Variants in GFOD1 observed in about 807,000 individuals in gnomAD.
The protein encoded by GFOD1 is Gfo/Idh/MocA-like oxidoreductase domain containing 1, also known as glucose-fructose oxidoreductase domain-containing protein 1.
A neutral mutation model predicts 25.4 loss-of-function variants in GFOD1; 9 were observed. The observed-to-expected ratio is 0.35, with a 90% CI of 0.21 to 0.62. The LOEUF (loss-of-function observed/expected upper bound fraction) is 0.62. Ranked by LOEUF, GFOD1 falls within the 20% of genes least tolerant of loss-of-function variation. The pLI, the probability that GFOD1 is intolerant of heterozygous loss-of-function variation, is 0.72. For missense variants in GFOD1, 403 were observed against 556.9 expected (o/e 0.72, Z 2.78); for synonymous variants, 253 against 245.6 (o/e 1.03, Z -0.28).
chr6:13,486,938 A>G lies in GFOD1; in HGVS notation c.-48T>C. On this transcript the variant is annotated 5_prime_UTR_variant, in exon 1 of 2. Coordinates refer to ENST00000379287, the MANE Select transcript of GFOD1 (RefSeq NM_018988.4). ...CTGCTTCTGCTCGGATCTCCAGTCC[A>G]ACGCGCGCACACACCCACCTCTAGC... The G allele has an allele frequency of 6.3e-7, 1 of 1,582,854 alleles. No homozygotes were observed. Among genetic ancestry groups the G allele is most frequent in the African/African-American group, 1.3e-5 (1 of 74,802 alleles).
intron 1 of GFOD1, among the ~76,000 whole-genome samples, chr6:13,475,554 A>AC (rs1758602075): frequency 2.0e-5 from 2 of 99,526 alleles, no homozygotes; most frequent in East Asian, 5.0e-4. Flanking sequence ...CTAAAAATAC[A>AC]AAAAAAAAAA....
At chr6:13,421,896 C>T (rs1275437258) in intron 1 of GFOD1, among the ~76,000 whole-genome samples, 1 of 152,168 alleles carries the variant, frequency 6.6e-6, no homozygotes, top group Non-Finnish European at 1.5e-5. Context: ...ACAGGCACAA[C>T]AATCTGTGAT....
chr6:13,476,228 G>A (rs1017537289), intron 1 of GFOD1, among the ~76,000 whole-genome samples: 5 of 152,048 alleles, frequency 3.3e-5, no homozygotes, highest in East Asian at 1.9e-4. Flanking sequence ...AACAAAATGC[G>A]GTATATCCAC....
At chr6:13,419,767 C>T (rs1786222717) in intron 1 of GFOD1, among the ~76,000 whole-genome samples, 1 of 152,226 alleles carries the variant, frequency 6.6e-6, no homozygotes, top group South Asian at 2.1e-4. Flanking sequence ...CCCCTTCGCA[C>T]TCACTGTTGC....
intron 1 of GFOD1, among the ~76,000 whole-genome samples, chr6:13,412,222 C>T (rs1052472450): frequency 6.6e-5 from 10 of 152,246 alleles, no homozygotes; most frequent in Middle Eastern, 6.8e-3. Context: ...GAGACACGTT[C>T]TTTATGGAGG....
intron 1 of GFOD1, among the ~76,000 whole-genome samples, chr6:13,389,790 C>T (rs1295850412): frequency 6.6e-6 from 1 of 152,090 alleles, no homozygotes; most frequent in Non-Finnish European, 1.5e-5. Context: ...CGCCCCTTTC[C>T]AAACTACCAT....
intron 1 of GFOD1, among the ~76,000 whole-genome samples, chr6:13,471,424 G>A (rs11755883): frequency 3.4e-3 from 512 of 152,268 alleles, no homozygotes; most frequent in Non-Finnish European, 5.3e-3. Context: ...ACCCAGGTCC[G>A]TGCCATCTGC....
chr6:13,409,112 A>AGAAG (rs1786002537), intron 1 of GFOD1, among the ~76,000 whole-genome samples: 1 of 73,822 alleles, frequency 1.4e-5, no homozygotes. Context: ...AAAGAAAGAA[A>AGAAG]GAAAGAAAGA....
At chr6:13,419,243 G>A (rs1786213744) in intron 1 of GFOD1, among the ~76,000 whole-genome samples, 2 of 152,190 alleles carry the variant, frequency 1.3e-5, no homozygotes, top group African/African-American at 4.8e-5. Flanking sequence ...AACTATGACT[G>A]AGATCTGGAG....
chr6:13,389,390 T>C (rs187978722), intron 1 of GFOD1, among the ~76,000 whole-genome samples: 1 of 152,274 alleles, frequency 6.6e-6, no homozygotes, highest in Non-Finnish European at 1.5e-5. Context: ...TAGACTGGAT[T>C]AAGAAATTGT....
chr6:13,360,509 C>T lies in GFOD1; in HGVS notation c.*4234G>A. ...ATTTTCCTACGTTATATTCAGACCCCCAAGAGCAAATTCCAAGGCCATCTA... is the reference window on the plus strand; with the variant it reads ...ATTTTCCTACGTTATATTCAGACCCTCAAGAGCAAATTCCAAGGCCATCTA... On this transcript the variant is annotated 3_prime_UTR_variant, in exon 2 of 2. Coordinates refer to ENST00000379287, the MANE Select transcript of GFOD1 (RefSeq NM_018988.4). 1 of 356,574 alleles carries T rather than the reference C, an allele frequency of 2.8e-6. No homozygotes were observed. Among genetic ancestry groups the T allele is most frequent in the South Asian group, 2.1e-5 (1 of 48,170 alleles). The allele number at this position is 356,574 out of a possible 1,614,324, so 22.1% of individuals were successfully genotyped here.
chr6:13,416,153 G>C (rs1037923151), intron 1 of GFOD1, among the ~76,000 whole-genome samples: 1 of 152,134 alleles, frequency 6.6e-6, no homozygotes, highest in Non-Finnish European at 1.5e-5. Flanking sequence ...CTCTCCTGCC[G>C]CCTTGTGAAG....
chr6:13,439,770 A>G (rs536342367), intron 1 of GFOD1, among the ~76,000 whole-genome samples: 1 of 152,240 alleles, frequency 6.6e-6, no homozygotes, highest in Non-Finnish European at 1.5e-5. Context: ...TTCAAGTCTT[A>G]AACAGTGGCT....
chr6:13,437,213 T>C (rs1036492131), intron 1 of GFOD1, among the ~76,000 whole-genome samples: 1 of 152,046 alleles, frequency 6.6e-6, no homozygotes, highest in Non-Finnish European at 1.5e-5. Context: ...TGGTATTGGG[T>C]TTCTGCCTCT....
chr6:13,447,119 C>G (rs1294734732), intron 1 of GFOD1, among the ~76,000 whole-genome samples: 1 of 152,174 alleles, frequency 6.6e-6, no homozygotes, highest in Non-Finnish European at 1.5e-5. Flanking sequence ...TAAGAAAGGA[C>G]CACAAAGCAA....
intron 1 of GFOD1, among the ~76,000 whole-genome samples, chr6:13,473,623 C>T (rs890563976): frequency 1.3e-5 from 2 of 152,250 alleles, no homozygotes; most frequent in African/African-American, 4.8e-5. Flanking sequence ...TAACTTTGCT[C>T]TAGCAGGTCA....
chr6:13,441,129 C>T (rs541950094), intron 1 of GFOD1, among the ~76,000 whole-genome samples: 1 of 152,352 alleles, frequency 6.6e-6, no homozygotes, highest in Non-Finnish European at 1.5e-5. Context: ...CCCAGCCCTT[C>T]CCACAGAAGC....
chr6:13,447,388 T>G (rs895352524), intron 1 of GFOD1, among the ~76,000 whole-genome samples: 1 of 152,150 alleles, frequency 6.6e-6, no homozygotes, highest in Non-Finnish European at 1.5e-5. Flanking sequence ...ACATGGTGTA[T>G]CAGGGCCCAT....
In GFOD1 at chr6:13,444,854, T is replaced by A. The variant is rs186502052; in HGVS notation, c.253+41784A>T. On this transcript the variant is annotated intron_variant, in intron 1 of 1. Coordinates refer to ENST00000379287, the MANE Select transcript of GFOD1 (RefSeq NM_018988.4). ...GAACCGCACCCACAATTCTCCAAAG[T>A]AAGCCTATACATATTGCAAAACAAC... Among the ~76,000 whole-genome samples, 305 of 152,324 alleles carry A rather than the reference T, an allele frequency of 2.0e-3. 2 individuals are homozygous for A. The highest frequency in any genetic ancestry group is 6.1e-3 in the African/African-American group (255 of 41,570).
Sources: gnomAD v4.1 joint callset for allele counts (sites outside exome capture counted in the v4.1 genomes callset) on GRCh38, gnomAD v4.1.1 for gene constraint, MANE v1.5 for transcripts, NCBI Gene and HGNC (gene_info 2026-07-23, HGNC 2026-07-21) for gene names.